The following EEFSEC variants were observed in gnomAD, a reference collection of about 807,000 sequenced individuals.
The protein encoded by EEFSEC is eukaryotic elongation factor, selenocysteine-tRNA specific.
Under a neutral mutation model 42.1 loss-of-function variants are expected in EEFSEC, and 43 were observed. The ratio of observed to expected loss-of-function variants is 1.02; its 90% CI spans 0.80 to 1.32. The LOEUF is 1.32. Ranked by LOEUF, EEFSEC falls within the 40% of genes most tolerant of loss-of-function variation. The pLI, the probability that EEFSEC is intolerant of heterozygous loss-of-function variation, is 0.00. For synonymous variants in EEFSEC, 354 were observed against 339.1 expected (o/e 1.04, Z -0.48); for missense variants, 745 against 803.6 (o/e 0.93, Z 0.88).
At chr3:128,339,649 G>A (rs192085776) in intron 4 of EEFSEC, among the ~76,000 whole-genome samples, 1 of 152,316 alleles carries the variant, frequency 6.6e-6, no homozygotes, top group Admixed American at 6.5e-5. Context: ...TTACTCCTTT[G>A]CCTAAACTCC....
chr3:128,341,898 G>A lies in EEFSEC; in HGVS notation c.1443+9G>A, dbSNP rs769018524. 5.2e-5 allele frequency: 84 copies of A among 1,607,516 alleles called. 1 individual carries two copies. The highest frequency in any genetic ancestry group is 7.0e-5 in the Non-Finnish European group (82 of 1,176,332). ...ATGGCCTTGTGGAGCGGGTGAGCAT[G>A]CCCTTGCCTGGCCCCACACCCCTTC... On this transcript the variant is annotated intron_variant, in intron 5 of 6. Transcript: ENST00000254730.
chr3:128,215,787 C>G (rs1480698703), intron 1 of EEFSEC, among the ~76,000 whole-genome samples: 1 of 152,068 alleles, frequency 6.6e-6, no homozygotes, highest in African/African-American at 2.4e-5. Context: ...ATTCTTAGGC[C>G]ACCCGGCTCC....
At chr3:128,422,095 C>A in the EEFSEC span, among the ~76,000 whole-genome samples, 1 of 152,136 alleles carries the variant, frequency 6.6e-6, no homozygotes, top group Non-Finnish European at 1.5e-5. Context: ...TCTGGGGGGT[C>A]CCAGTTCAGC....
chr3:128,244,676 A>C (rs1209967844), intron 1 of EEFSEC, among the ~76,000 whole-genome samples: 5 of 152,228 alleles, frequency 3.3e-5, no homozygotes, highest in Middle Eastern at 6.3e-3. Flanking sequence ...TTGGTCTCCC[A>C]GCAGACAACC....
At chr3:128,244,831 G>A (rs140310109) in intron 1 of EEFSEC, among the ~76,000 whole-genome samples, 1 of 152,224 alleles carries the variant, frequency 6.6e-6, no homozygotes, top group Non-Finnish European at 1.5e-5. Flanking sequence ...ATCACACTCT[G>A]CACATTGTGC....
intron 1 of EEFSEC, among the ~76,000 whole-genome samples, chr3:128,154,995 T>A (rs1381174427): frequency 6.6e-6 from 1 of 152,206 alleles, no homozygotes; most frequent in African/African-American, 2.4e-5. Flanking sequence ...CATGAATACA[T>A]GCTACTTGTG....
At chr3:128,294,755 T>C (rs1177240487) in intron 4 of EEFSEC, among the ~76,000 whole-genome samples, 2 of 152,186 alleles carry the variant, frequency 1.3e-5, no homozygotes, top group African/African-American at 4.8e-5. Context: ...GGTATTCCCA[T>C]CAGAGGAAAC....
intron 1 of EEFSEC, among the ~76,000 whole-genome samples, chr3:128,170,660 C>T (rs1219832973): frequency 6.6e-6 from 1 of 152,220 alleles, no homozygotes; most frequent in African/African-American, 2.4e-5. Context: ...TGAGAAACAG[C>T]AACCTGGCAT....
chr3:128,399,597 C>G (rs945502128), intron 6 of EEFSEC, among the ~76,000 whole-genome samples: 10 of 152,246 alleles, frequency 6.6e-5, no homozygotes, highest in South Asian at 2.1e-4. Context: ...CCGGCCCCCC[C>G]CAGCCAGCGA....
At chr3:128,164,267 A>G (rs1485811979) in intron 1 of EEFSEC, among the ~76,000 whole-genome samples, 2 of 152,220 alleles carry the variant, frequency 1.3e-5, no homozygotes, top group African/African-American at 2.4e-5. Context: ...CCTGTGTTCA[A>G]GGGGCTCACA....
chr3:128,277,285 T>C (rs1482852174), intron 4 of EEFSEC, among the ~76,000 whole-genome samples: 1 of 152,244 alleles, frequency 6.6e-6, no homozygotes, highest in Non-Finnish European at 1.5e-5. Flanking sequence ...CCATAAACCT[T>C]GCTTTAATTA....
rs1368157705 is a variant in EEFSEC at position 128,214,577 on chromosome 3, A to T, written c.317-32259A>T. ...ATCAAAAAATTCAGTTTTCTTAGTTATATAAAATGAGGTGGCTAAATTGAA... is the reference window on the plus strand; with the variant it reads ...ATCAAAAAATTCAGTTTTCTTAGTTTTATAAAATGAGGTGGCTAAATTGAA... On this transcript the variant is annotated intron_variant, in intron 1 of 6. Coordinates refer to ENST00000254730, the MANE Select transcript of EEFSEC (RefSeq NM_021937.5). Among the ~76,000 whole-genome samples the T allele has an allele frequency of 2.0e-5, 3 of 152,246 alleles. No homozygotes were observed. The East Asian group carries it at 5.8e-4, about 29-fold the overall frequency.
chr3:128,224,046 C>T (rs999308857), intron 1 of EEFSEC, among the ~76,000 whole-genome samples: 4 of 151,068 alleles, frequency 2.6e-5, no homozygotes, highest in African/African-American at 9.7e-5. Flanking sequence ...TCTTCTGTTT[C>T]TCATTCTCTT....
intron 1 of EEFSEC, among the ~76,000 whole-genome samples, chr3:128,159,113 T>C (rs1314906529): frequency 6.6e-6 from 1 of 152,254 alleles, no homozygotes; most frequent in African/African-American, 2.4e-5. Context: ...ACAATGTTTT[T>C]CTTGTAAAGA....
At chr3:128,346,950 G>A (rs767436789) in intron 5 of EEFSEC, among the ~76,000 whole-genome samples, 51 of 152,178 alleles carry the variant, frequency 3.4e-4, no homozygotes, top group Non-Finnish European at 5.7e-4. Context: ...ATACAGAAAC[G>A]TATCAGGAAG....
chr3:128,246,219 C>T (rs1203275875), intron 1 of EEFSEC, among the ~76,000 whole-genome samples: 1 of 111,904 alleles, frequency 8.9e-6, no homozygotes, highest in Non-Finnish European at 1.9e-5. Context: ...ATGATGCTCA[C>T]AAGCGTGCAC....
intron 5 of EEFSEC, among the ~76,000 whole-genome samples, chr3:128,353,006 C>T (rs2107581528): frequency 6.6e-6 from 1 of 152,338 alleles, no homozygotes. Context: ...TTATGGAGAC[C>T]TGTACAGTAA....
At chr3:128,330,724 G>A (rs1211699744) in intron 4 of EEFSEC, among the ~76,000 whole-genome samples, 1 of 151,886 alleles carries the variant, frequency 6.6e-6, no homozygotes, top group African/African-American at 2.4e-5. Flanking sequence ...GGGGGCAGGG[G>A]GCATCAGTGC....
At chr3:128,351,003 C>T (rs559234149) in intron 5 of EEFSEC, among the ~76,000 whole-genome samples, 14 of 152,236 alleles carry the variant, frequency 9.2e-5, no homozygotes, top group Non-Finnish European at 1.3e-4. Flanking sequence ...GAGTTAACAC[C>T]GCATTTTTAA....
Sources: gnomAD v4.1 joint callset for allele counts (sites outside exome capture counted in the v4.1 genomes callset) on GRCh38, gnomAD v4.1.1 for gene constraint, MANE v1.5 for transcripts, NCBI Gene and HGNC (gene_info 2026-07-23, HGNC 2026-07-21) for gene names.